PEX1: variants seen among roughly 807,000 people sequenced by gnomAD.
The protein encoded by PEX1 is peroxisomal ATPase PEX1.
A neutral mutation model predicts 152.5 loss-of-function variants in PEX1; 97 were observed. That is an observed-to-expected ratio of 0.64 (90% CI 0.54 to 0.75). The LOEUF is 0.75. Among genes scored for constraint, PEX1 ranks in the 30% least tolerant of loss-of-function variants. PEX1 has a pLI of 0.00. For missense variants in PEX1, 1,357 were observed against 1,516.3 expected (o/e 0.89, Z 1.74); for synonymous variants, 485 against 531.6 (o/e 0.91, Z 1.21).
intron 8 of PEX1, among the ~76,000 whole-genome samples, chr7:92,510,344 T>C (rs570348825): frequency 6.6e-6 from 1 of 151,602 alleles, no homozygotes; most frequent in East Asian, 1.9e-4. Flanking sequence ...CATTCGCCTG[T>C]GGTCCCAGCT....
chr7:92,498,066 G>C, intron 16 of PEX1, among the ~76,000 whole-genome samples: 1 of 76,750 alleles, frequency 1.3e-5, no homozygotes, highest in South Asian at 4.4e-4. Flanking sequence ...CTCAGTCTCA[G>C]AGAAAAAAAA....
At chr7:92,498,114 G>A (rs577266934) in intron 16 of PEX1, among the ~76,000 whole-genome samples, 1 of 147,608 alleles carries the variant, frequency 6.8e-6, no homozygotes, top group South Asian at 2.2e-4. Context: ...ACAGGAACAA[G>A]GCAACAGCCT....
chr7:92,516,740 G>A (rs1299572349), intron 5 of PEX1, among the ~76,000 whole-genome samples: 6 of 152,114 alleles, frequency 3.9e-5, no homozygotes, highest in East Asian at 3.9e-4. Flanking sequence ...CTTCCTCTCC[G>A]TTATACACAA....
chr7:92,521,877 G>T (rs1793064880), intron 2 of PEX1, among the ~76,000 whole-genome samples: 1 of 152,128 alleles, frequency 6.6e-6, no homozygotes. Context: ...TGTGGAAAAT[G>T]AGTTAAATAG....
chr7:92,487,533 C>G lies in PEX1; in HGVS notation c.3776G>C (p.Ser1259Thr). The change falls in exon 24 of 24, where the codon AGC (serine) becomes ACC (threonine). Residue 1259 changes from serine to threonine, a missense_variant. Ser to Thr is a moderately conservative substitution (Grantham distance 58, BLOSUM62 1). Coordinates refer to ENST00000248633, the MANE Select transcript of PEX1 (RefSeq NM_000466.3). ...DWKNFAELYE[S>T]FQNPKRRKNQ... ...TTTTCTCCTCTTTGGATTTTGAAAG[C>G]TTTCATATCTGAAAAAAGAAAGAGA... The G allele has an allele frequency of 6.5e-6, 10 of 1,536,372 alleles. No individual in the cohort carries two copies. The highest frequency in any genetic ancestry group is 9.0e-6 in the Non-Finnish European group (10 of 1,113,112).
Position 92,518,160 on chromosome 7 carries a change from C to G in PEX1, c.453G>C (p.Thr151=), listed in dbSNP as rs368714078. ...ACCTACCAATTTGGATAAATATGTA[C>G]GTTTGTTGATCAACCCAAACAGGAA... ...AIFPVWVDQQ[T]YIFIQIVALI... The change falls in exon 4 of 24, where the codon ACG becomes ACC. Residue 151 remains threonine (T), a synonymous_variant. Coordinates refer to ENST00000248633, the MANE Select transcript of PEX1 (RefSeq NM_000466.3). The G allele has an allele frequency of 1.2e-6, 2 of 1,610,298 alleles. No individual in the cohort carries two copies. Among genetic ancestry groups the G allele is most frequent in the Non-Finnish European group, 1.7e-6 (2 of 1,176,750 alleles).
Position 92,489,726 on chromosome 7 carries a change from C to G in PEX1, c.3624G>C (p.Arg1208=), listed in dbSNP as rs893638374. The G allele has an allele frequency of 6.2e-7, 1 of 1,613,958 alleles. No individual in the cohort carries two copies. Among genetic ancestry groups the G allele is most frequent in the Non-Finnish European group, 8.5e-7 (1 of 1,179,850 alleles). Residue 1208 remains arginine (R), a synonymous_variant, in exon 22 of 24, where the codon CGG becomes CGC. Coordinates refer to ENST00000248633, the MANE Select transcript of PEX1 (RefSeq NM_000466.3). ...ADISIIKGRY[R]SQSGEDESMN... ...GAAAAAGCCATACTCCACTTTGGCT[C>G]CGGTATCTGCCTTTGATAATACTGA...
chr7:92,507,220 T>A, intron 9 of PEX1, 94 bp from the exon 10 acceptor site: 2 of 976,810 alleles, frequency 2.0e-6, no homozygotes, highest in Non-Finnish European at 3.1e-6. Context: ...CCAGTGTAGT[T>A]AATTAATTTA....
intron 22 of PEX1, 74 bp from the exon 23 acceptor site, chr7:92,489,497 T>G (rs575723134): frequency 7.5e-7 from 1 of 1,339,882 alleles, no homozygotes; most frequent in South Asian, 1.2e-5. Flanking sequence ...CAGTTGTTAC[T>G]TCTTATTGTC....
chr7:92,525,164 C>T (rs11981845), intron 1 of PEX1, among the ~76,000 whole-genome samples: 3,880 of 152,234 alleles, frequency 0.025, 203 homozygotes, highest in African/African-American at 0.088. Flanking sequence ...TTCACTTGAA[C>T]CACAGAGCCC....
In PEX1 at chr7:92,518,000, T is replaced by A. The variant is rs761613577; in HGVS notation, c.515A>T (p.Asp172Val). Residue 172 changes from aspartate (D) to valine (V), a missense_variant, in exon 5 of 24, where the codon GAC becomes GTC. Coordinates refer to ENST00000248633, the MANE Select transcript of PEX1 (RefSeq NM_000466.3). ...CTTTGGCTGAATAAGGAGTTTGGTG[T>A]CAGTTTCCAGCCTTCCATAAGAGGC... ...PAASYGRLET[D>V]TKLLIQPKTR... 1.4e-5 allele frequency: 22 copies of A among 1,614,070 alleles called. No homozygotes were observed. In the African/African-American group the frequency reaches 2.9e-4, roughly 21 times the overall value.
chr7:92,518,720 C>T (rs1792919056), intron 3 of PEX1, among the ~76,000 whole-genome samples: 1 of 152,202 alleles, frequency 6.6e-6, no homozygotes. Flanking sequence ...ATGGCATGCA[C>T]TACCATGCCT....
At chr7:92,518,663 G>C (rs920464520) in intron 3 of PEX1, among the ~76,000 whole-genome samples, 3 of 152,130 alleles carry the variant, frequency 2.0e-5, no homozygotes, top group African/African-American at 7.2e-5. Context: ...TTGACTTTAC[G>C]GGCTCAAGCG....
intron 16 of PEX1, 108 bp downstream of exon 16, chr7:92,499,596 A>G (rs1049218741): frequency 2.2e-6 from 2 of 904,140 alleles, no homozygotes; most frequent in African/African-American, 3.3e-5. Flanking sequence ...TGGTGGTTGC[A>G]TAGCATTGTG....
intron 19 of PEX1, chr7:92,493,370 C>A (rs112183909): frequency 1.6e-5 from 4 of 249,424 alleles, no homozygotes; most frequent in Admixed American, 1.0e-4. Flanking sequence ...CATGGTGGCT[C>A]ACGCCTGTAA....
rs555711864 is a variant in PEX1, at chr7:92,524,732, A to G, written c.130-2487T>C. On this transcript the variant is annotated intron_variant, in intron 1 of 23. Coordinates refer to ENST00000248633, the MANE Select transcript of PEX1 (RefSeq NM_000466.3). ...TCTCACAATTTTCACAGAACAGTCC[A>G]ACTGTTCTGGCTGACAAATTCTTTC... Among the ~76,000 whole-genome samples the G allele has an allele frequency of 7.2e-5, 11 of 152,314 alleles. No homozygotes were observed. In the South Asian group the frequency reaches 2.3e-3, roughly 32 times the overall value.
rs998142350 is a variant in PEX1, at chr7:92,506,856, T to C, written c.1803+138A>G. ...ACAGAAATATTAGTGAATAAATGAA[T>C]GCTTTCCATATGTCGTATAAACCCT... On this transcript the variant is annotated intron_variant, in intron 10 of 23. Transcript: ENST00000248633. The C allele has an allele frequency of 4.9e-6, 4 of 813,604 alleles. No individual in the cohort carries two copies. In the African/African-American group the frequency reaches 5.2e-5, roughly 11 times the overall value. 50.4% of individuals were successfully genotyped at this position (813,604 alleles called of 1,614,324 possible). A position where few individuals can be genotyped will look rare whatever the true frequency, so the allele number is the denominator to read the frequency against.
rs2116181877 is a variant in PEX1 at position 92,507,125 on chromosome 7, C to A, written c.1672G>T (p.Gly558Ter). 2 of 1,613,188 alleles carry A rather than the reference C, an allele frequency of 1.2e-6. No homozygotes were observed. Among genetic ancestry groups the A allele is most frequent in the African/African-American group, 2.7e-5 (2 of 74,972 alleles). Residue 558 changes from glycine to a stop codon, truncating the protein, a stop_gained and splice_region_variant, in exon 10 of 24, where the codon GGA becomes TGA. Coordinates refer to ENST00000248633, the MANE Select transcript of PEX1 (RefSeq NM_000466.3). LOFTEE classifies it high-confidence loss of function. ...LPFLKLSSLG[G>*]VNSLGVSSLE... Reference sequence around the variant, plus strand: ...GAGGATACGCCTAAGGAATTCACTCCTCTGTAAAAAATATACATAGTTACA... The same window carrying A: ...GAGGATACGCCTAAGGAATTCACTCATCTGTAAAAAATATACATAGTTACA...
At chr7:92,510,143 CAA>C (rs35337329) in intron 8 of PEX1, among the ~76,000 whole-genome samples, 163 of 137,884 alleles carry the variant, frequency 1.2e-3, no homozygotes, top group South Asian at 1.9e-3. Flanking sequence ...GACTCCATCT[CAA>C]AAAAAAAAAA....
Sources: allele counts gnomAD v4.1 joint callset (sites outside exome capture counted in the v4.1 genomes callset), GRCh38; gene constraint gnomAD v4.1.1; transcripts MANE v1.5; gene names NCBI Gene and HGNC (gene_info 2026-07-23, HGNC 2026-07-21).